GRM3: variants seen among roughly 807,000 people sequenced by gnomAD.
GRM3 encodes the protein glutamate metabotropic receptor 3.
Under a neutral mutation model 70.5 loss-of-function variants are expected in GRM3, and 26 were observed. That is an observed-to-expected ratio of 0.37 (90% CI 0.27 to 0.51). The LOEUF (loss-of-function observed/expected upper bound fraction) is 0.51, where lower values mean the gene tolerates loss of function less well. Ranked by LOEUF, GRM3 falls within the 20% of genes least tolerant of loss-of-function variation. The pLI is 0.93. For synonymous variants in GRM3, 443 were observed against 434.9 expected (o/e 1.02, Z -0.23); for missense variants, 859 against 1,123.8 (o/e 0.76, Z 3.37).
chr7:86,723,226 A>C (rs1795513466), intron 1 of GRM3, among the ~76,000 whole-genome samples: 1 of 145,324 alleles, frequency 6.9e-6, no homozygotes, highest in Admixed American at 6.8e-5. Flanking sequence ...TTCTACATCC[A>C]TAAAAAAAAT....
intron 4 of GRM3, among the ~76,000 whole-genome samples, chr7:86,848,005 TG>T (rs1798688679): frequency 6.6e-6 from 1 of 152,158 alleles, no homozygotes; most frequent in African/African-American, 2.4e-5. Flanking sequence ...TCCCCCACCT[TG>T]GGATGGAAAT....
In GRM3 at chr7:86,765,005, G is replaced by T; in HGVS notation, c.-140-1G>T. ...TGTTCATATAATTTTTATCTCTTTA[G>T]GAATTTTGTGACAGGCTCTGTTAGT... On this transcript the variant is annotated splice_acceptor_variant, in intron 1 of 5. Transcript: ENST00000361669. LOFTEE classifies it low-confidence loss of function (5UTR_SPLICE). 2 of 1,465,922 alleles carry T rather than the reference G, an allele frequency of 1.4e-6. No individual in the cohort carries two copies. The highest frequency in any genetic ancestry group is 1.8e-6 in the Non-Finnish European group (2 of 1,116,232). The allele number at this position is 1,465,922 out of a possible 1,614,324, so 90.8% of individuals were successfully genotyped here.
intron 3 of GRM3, among the ~76,000 whole-genome samples, chr7:86,794,597 C>G (rs1025917332): frequency 6.6e-6 from 1 of 152,174 alleles, no homozygotes; most frequent in African/African-American, 2.4e-5. Flanking sequence ...GAAAACTAGT[C>G]ACCATTTTCA....
At chr7:86,807,375 G>C (rs1263667749) in intron 3 of GRM3, among the ~76,000 whole-genome samples, 1 of 140,936 alleles carries the variant, frequency 7.1e-6, no homozygotes, top group African/African-American at 2.9e-5. Flanking sequence ...TCCTATCCAT[G>C]AGCATGGAAT....
At chr7:86,799,267 G>T (rs532965747) in intron 3 of GRM3, among the ~76,000 whole-genome samples, 3 of 152,230 alleles carry the variant, frequency 2.0e-5, no homozygotes, top group East Asian at 1.9e-4. Context: ...AGACGATGAG[G>T]TTTTCTAAAG....
chr7:86,722,411 AC>A (rs1404281164), intron 1 of GRM3, among the ~76,000 whole-genome samples: 1 of 152,162 alleles, frequency 6.6e-6, no homozygotes, highest in Non-Finnish European at 1.5e-5. Flanking sequence ...ACCATGGAAT[AC>A]TATGCAGCCA....
chr7:86,800,489 C>T (rs2116616610), intron 3 of GRM3, among the ~76,000 whole-genome samples: 2 of 152,138 alleles, frequency 1.3e-5, no homozygotes, highest in East Asian at 3.9e-4. Context: ...TACAAGCAAC[C>T]ATCAGAGAAT....
chr7:86,721,083 G>A (rs1373191555), intron 1 of GRM3, among the ~76,000 whole-genome samples: 1 of 151,952 alleles, frequency 6.6e-6, no homozygotes, highest in African/African-American at 2.4e-5. Flanking sequence ...CACCTGCCTG[G>A]GCCGCTAACA....
At chr7:86,723,812 C>A (rs1052520359) in intron 1 of GRM3, among the ~76,000 whole-genome samples, 12 of 152,158 alleles carry the variant, frequency 7.9e-5, no homozygotes, top group Non-Finnish European at 1.8e-4. Context: ...GCTCCACCCT[C>A]ATACTAATAT....
At chr7:86,687,253 T>C (rs1794589872) in intron 1 of GRM3, among the ~76,000 whole-genome samples, 1 of 151,580 alleles carries the variant, frequency 6.6e-6, no homozygotes, top group East Asian at 1.9e-4. Flanking sequence ...AGACATAAGA[T>C]CCAAAAAGCT....
chr7:86,682,513 T>C (rs1045146920), intron 1 of GRM3, among the ~76,000 whole-genome samples: 2 of 152,156 alleles, frequency 1.3e-5, no homozygotes, highest in African/African-American at 2.4e-5. Flanking sequence ...TGGTTTTACA[T>C]TATGTTTTGG....
chr7:86,802,641 A>G (rs1028202246), intron 3 of GRM3, among the ~76,000 whole-genome samples: 4 of 151,918 alleles, frequency 2.6e-5, no homozygotes, highest in Non-Finnish European at 5.9e-5. Context: ...CCATGTCTTC[A>G]ATGCTGTTGA....
At chr7:86,861,737 TG>T in intron 5 of GRM3, among the ~76,000 whole-genome samples, 1 of 152,272 alleles carries the variant, frequency 6.6e-6, no homozygotes, top group East Asian at 1.9e-4. Context: ...AAGGGGGACA[TG>T]GTCCAAATTA....
In GRM3 at chr7:86,817,403, G is replaced by A. The variant is rs532069410; in HGVS notation, c.1325-21436G>A. On this transcript the variant is annotated intron_variant, in intron 3 of 5. Coordinates refer to ENST00000361669, the MANE Select transcript of GRM3 (RefSeq NM_000840.3). ...CACTTCAATGAGGCGGATCAAAGCC[G>A]AGCTACAATTCCAATCTTATTTATG... Among the ~76,000 whole-genome samples, 3 of 151,940 alleles carry A rather than the reference G, an allele frequency of 2.0e-5. No individual in the cohort carries two copies. In the East Asian group the frequency reaches 5.8e-4, roughly 29 times the overall value.
intron 1 of GRM3, among the ~76,000 whole-genome samples, chr7:86,764,101 G>A (rs1042525219): frequency 1.3e-5 from 2 of 152,100 alleles, no homozygotes; most frequent in Non-Finnish European, 1.5e-5. Context: ...TCATAGACAC[G>A]CAGACTTTGA....
At chr7:86,823,486 C>T (rs1336457779) in intron 3 of GRM3, among the ~76,000 whole-genome samples, 2 of 150,102 alleles carry the variant, frequency 1.3e-5, no homozygotes, top group African/African-American at 2.5e-5. Flanking sequence ...GTGCTCTCTG[C>T]CCTTTTCAAT....
At chr7:86,686,199 A>G (rs1396330760) in intron 1 of GRM3, among the ~76,000 whole-genome samples, 1 of 152,204 alleles carries the variant, frequency 6.6e-6, no homozygotes, top group Non-Finnish European at 1.5e-5. Context: ...CTAAAGGAAG[A>G]CATATGCTTT....
intron 3 of GRM3, among the ~76,000 whole-genome samples, chr7:86,799,737 G>C (rs577624722): frequency 1.3e-5 from 2 of 152,180 alleles, no homozygotes; most frequent in Non-Finnish European, 2.9e-5. Flanking sequence ...CACTGTGTTA[G>C]CCAGGATGGT....
chr7:86,672,572 G>T (rs905924819), intron 1 of GRM3, among the ~76,000 whole-genome samples: 11 of 151,938 alleles, frequency 7.2e-5, no homozygotes, highest in Non-Finnish European at 1.5e-4. Context: ...TCAAGTGGTT[G>T]CCTGGGGCAG....
Sources: gnomAD v4.1 joint callset for allele counts (sites outside exome capture counted in the v4.1 genomes callset) on GRCh38, gnomAD v4.1.1 for gene constraint, MANE v1.5 for transcripts, NCBI Gene and HGNC (gene_info 2026-07-23, HGNC 2026-07-21) for gene names.